Variants in DGCR2 observed in about 807,000 individuals in gnomAD.
DGCR2 encodes the protein integral membrane protein DGCR2/IDD.
In DGCR2, 24 loss-of-function variants were observed where a neutral mutation model predicts 51.6. The observed-to-expected ratio is 0.47, with a 90% CI of 0.34 to 0.65. The LOEUF is 0.65. Among genes scored for constraint, DGCR2 ranks in the 30% least tolerant of loss-of-function variants. The probability of loss-of-function intolerance (pLI) is 0.01; values close to 1 mark genes in which losing one functional copy is unlikely to be tolerated. For missense variants in DGCR2, 765 were observed against 772.1 expected, an observed-to-expected ratio of 0.99 and a Z score of 0.11; for synonymous variants, 340 against 315.4, an observed-to-expected ratio of 1.08 and a Z score of -0.82.
chr22:19,089,291 C>T, intron 2 of DGCR2, 77 bp downstream of exon 2: 2 of 1,453,622 alleles, frequency 1.4e-6, no homozygotes, highest in Non-Finnish European at 1.8e-6. Flanking sequence ...ACACCTCCAC[C>T]CCTCACAAGA....
Position 19,067,496 on chromosome 22 carries a change from C to A in DGCR2, c.328+604G>T, listed in dbSNP as rs573388235. Among the ~76,000 whole-genome samples the A allele has an allele frequency of 2.0e-5, 3 of 152,136 alleles. No individual in the cohort carries two copies. The East Asian group carries it at 5.8e-4, about 30-fold the overall frequency. ...TCACCTCAGGTCAGGAGTTCGAGAC[C>A]AGCCTGGTCAAGGTGGTGAAACCCG... is the stretch of plus-strand genomic sequence containing the variant. On this transcript the variant is annotated intron_variant, in intron 3 of 9. Coordinates refer to ENST00000263196, the MANE Select transcript of DGCR2 (RefSeq NM_005137.3).
chr22:19,078,898 A>G (rs1050405108), intron 2 of DGCR2, among the ~76,000 whole-genome samples: 2 of 152,306 alleles, frequency 1.3e-5, no homozygotes, highest in Admixed American at 1.3e-4. Flanking sequence ...AGAAGGACTG[A>G]TGTTAATTCT....
chr22:19,039,222 GC>G, intron 9 of DGCR2, 101 bp from the exon 10 acceptor site: 2 of 1,473,400 alleles, frequency 1.4e-6, no homozygotes, highest in African/African-American at 1.4e-5. Context: ...CTGCCTGAAG[GC>G]CCCCCTGAAG....
Position 19,041,281 on chromosome 22 carries a change from G to A in DGCR2, c.1173C>T (p.Asn391=). Residue 391 remains asparagine, a synonymous_variant, in exon 9 of 10, where the codon AAC becomes AAT. Coordinates refer to ENST00000263196, the MANE Select transcript of DGCR2 (RefSeq NM_005137.3). ...SLIGANLHHF[N]LGRRIPGFDY... ...CAAAGCCAGGGATCCTGCGGCCGAG[G>A]TTGAAGTGGTGCACTGGGCCATCAA... The A allele has an allele frequency of 6.2e-7, 1 of 1,613,990 alleles. No homozygotes were observed. The highest frequency in any genetic ancestry group is 8.5e-7 in the Non-Finnish European group (1 of 1,179,986).
intron 2 of DGCR2, among the ~76,000 whole-genome samples, chr22:19,074,169 T>C (rs972268260): frequency 1.3e-5 from 2 of 152,150 alleles, no homozygotes; most frequent in Middle Eastern, 3.2e-3. Context: ...CTCACGTCTG[T>C]AATCCCAGAA....
chr22:19,095,361 T>TG (rs2083127037), intron 1 of DGCR2, among the ~76,000 whole-genome samples: 1 of 151,132 alleles, frequency 6.6e-6, no homozygotes, highest in East Asian at 1.9e-4. Flanking sequence ...AAATTCTGTC[T>TG]CAAAAAAACA....
Position 19,122,295 on chromosome 22 carries a change from GC to G in DGCR2, c.-90del. 2.5e-6 allele frequency: 3 copies of G among 1,179,198 alleles called. No homozygotes were observed. Among genetic ancestry groups the G allele is most frequent in the Non-Finnish European group, 3.4e-6 (3 of 872,430 alleles). 73.0% of individuals were successfully genotyped at this position (1,179,198 alleles called of 1,614,324 possible). A position where few individuals can be genotyped will look rare whatever the true frequency, so the allele number is the denominator to read the frequency against. On this transcript the variant is annotated 5_prime_UTR_variant, in exon 1 of 10. Coordinates refer to ENST00000263196, the MANE Select transcript of DGCR2 (RefSeq NM_005137.3). Reference sequence around the variant, plus strand: ...GGGACCGTGCCAAGCGGAGGGTCAGGCGGAGCTGAACCTGGGCGAGGCGCGG... The same window carrying G: ...GGGACCGTGCCAAGCGGAGGGTCAGGGGAGCTGAACCTGGGCGAGGCGCGG...
chr22:19,083,721 CCACGG>C (rs1391301678), intron 2 of DGCR2, among the ~76,000 whole-genome samples: 14 of 125,260 alleles, frequency 1.1e-4, no homozygotes, highest in Non-Finnish European at 1.6e-4. Context: ...CTCCCTCTCC[CCACGG>C]TCTCCCTCTC....
Position 19,078,731 on chromosome 22 carries a change from T to C in DGCR2, c.203-10506A>G, listed in dbSNP as rs1163262939. On this transcript the variant is annotated intron_variant, in intron 2 of 9. Transcript: ENST00000263196. ...TGCATTACATTTGGTCCAAGCCTTT[T>C]GACAGACTGCTAAACTTGGTTAACT... 1.1e-4 allele frequency among the ~76,000 whole-genome samples: 17 copies of C among 152,348 alleles called. No homozygotes were observed. In the East Asian group the frequency reaches 3.3e-3, roughly 29 times the overall value.
rs760206572 is a variant in DGCR2 at position 19,041,963 on chromosome 22, A to AG, written c.1007-5dup. 1.2e-6 allele frequency: 2 copies of AG among 1,611,510 alleles called. No individual in the cohort carries two copies. The highest frequency in any genetic ancestry group is 4.5e-5 in the East Asian group (2 of 44,802). On this transcript the variant is annotated splice_region_variant and splice_polypyrimidine_tract_variant and intron_variant, in intron 7 of 9. Coordinates refer to ENST00000263196, the MANE Select transcript of DGCR2 (RefSeq NM_005137.3). ...GAGTCAAACAGACTGTTGCCATCTG[A>AG]GGGGGAGGGGAGGAAATGGCCGCTC...
intron 3 of DGCR2, among the ~76,000 whole-genome samples, chr22:19,066,842 A>C (rs1006076522): frequency 6.6e-6 from 1 of 152,238 alleles, no homozygotes; most frequent in East Asian, 1.9e-4. Context: ...AGGGGAAGGA[A>C]GAACATGGAG....
intron 4 of DGCR2, among the ~76,000 whole-genome samples, chr22:19,063,501 G>C (rs1297774066): frequency 2.0e-5 from 3 of 150,022 alleles, no homozygotes; most frequent in Non-Finnish European, 4.4e-5. Context: ...ACCACGCCCA[G>C]CTAATTTTTG....
intron 1 of DGCR2, chr22:19,121,502 G>A (rs2146071349): frequency 6.6e-6 from 1 of 152,364 alleles, no homozygotes; most frequent in East Asian, 1.9e-4. Context: ...ACAGACTTAA[G>A]AACACACTAG....
At chr22:19,116,242 T>G (rs1362139904) in intron 1 of DGCR2, among the ~76,000 whole-genome samples, 1 of 152,208 alleles carries the variant, frequency 6.6e-6, no homozygotes, top group Non-Finnish European at 1.5e-5. Context: ...AGACCTGAGC[T>G]TCCCCATCTC....
intron 2 of DGCR2, among the ~76,000 whole-genome samples, chr22:19,079,577 A>C (rs950382535): frequency 4.6e-5 from 7 of 152,266 alleles, no homozygotes; most frequent in Admixed American, 4.6e-4. Context: ...TGAATAAAGT[A>C]ACTGCTAATT....
rs1044620204 is a variant in DGCR2, at chr22:19,112,828, T to C, written c.79+9300A>G. 6.2e-5 allele frequency among the ~76,000 whole-genome samples: 9 copies of C among 144,080 alleles called. 3 individuals are homozygous for C. Among genetic ancestry groups the C allele is most frequent in the Non-Finnish European group, 1.4e-4 (9 of 64,838 alleles). The allele number at this position is 144,080 out of a possible 152,430, so 94.5% of individuals were successfully genotyped here. A position where few individuals can be genotyped will look rare whatever the true frequency, so the allele number is the denominator to read the frequency against. ...CTTTTGAACCCAAGAACCTTGAGTA[T>C]ACACCATCAATCTGAAAACACAAAG... On this transcript the variant is annotated intron_variant, in intron 1 of 9. Transcript: ENST00000263196.
At chr22:19,111,847 TTTTTA>T (rs1241354637) in intron 1 of DGCR2, among the ~76,000 whole-genome samples, 2,386 of 129,398 alleles carry the variant, frequency 0.018, 73 homozygotes, top group African/African-American at 0.077. Flanking sequence ...TTGTTTTTAT[TTTTTA>T]TTTATTTATT....
chr22:19,044,612 G>A (rs781128894), intron 7 of DGCR2, among the ~76,000 whole-genome samples: 3 of 152,194 alleles, frequency 2.0e-5, no homozygotes, highest in Non-Finnish European at 4.4e-5. Flanking sequence ...GGCAGAGGGC[G>A]GCATGAGTTT....
At chr22:19,083,636 CAT>C (rs377081887) in intron 2 of DGCR2, among the ~76,000 whole-genome samples, 9 of 152,022 alleles carry the variant, frequency 5.9e-5, no homozygotes, top group African/African-American at 1.9e-4. Context: ...AAATTTTACA[CAT>C]CTTTTGTTAA....
Sources: gnomAD v4.1 joint callset for allele counts (sites outside exome capture counted in the v4.1 genomes callset) on GRCh38, gnomAD v4.1.1 for gene constraint, MANE v1.5 for transcripts, NCBI Gene and HGNC (gene_info 2026-07-23, HGNC 2026-07-21) for gene names.